The following PLEKHA5 variants were observed in gnomAD, a reference collection of about 807,000 sequenced individuals.
PLEKHA5 encodes pleckstrin homology domain-containing family A member 5.
PLEKHA5 carries 55 observed loss-of-function variants against 181.9 expected under a neutral mutation model. That is an observed-to-expected ratio of 0.30 (90% CI 0.24 to 0.38). The LOEUF is 0.38. Among genes scored for constraint, PLEKHA5 ranks in the 10% least tolerant of loss-of-function variants. The pLI is 1.00. For synonymous variants in PLEKHA5, 535 were observed against 529.4 expected (o/e 1.01, Z -0.15); for missense variants, 1,432 against 1,549.5 (o/e 0.92, Z 1.27).
At chr12:19,150,372 T>G (rs1417132525) in intron 3 of PLEKHA5, 1 of 152,242 alleles carries the variant, frequency 6.6e-6, no homozygotes, top group Non-Finnish European at 1.5e-5. Context: ...CTGAGAAGTC[T>G]TTCAAGTAGA....
At chr12:19,318,874 T>A (rs1364447381) in intron 16 of PLEKHA5, among the ~76,000 whole-genome samples, 1 of 152,162 alleles carries the variant, frequency 6.6e-6, no homozygotes, top group Non-Finnish European at 1.5e-5. Context: ...TGAGCCGAGA[T>A]CGCACCACTG....
rs2095704843 is a variant in PLEKHA5 at position 19,376,330 on chromosome 12, A to G, written c.*811A>G. Reference sequence around the variant, plus strand: ...TGTAATGTATTAAAGGCTACTTACTATTGTTTAAATGCAAATGTTCATATC... The same window carrying G: ...TGTAATGTATTAAAGGCTACTTACTGTTGTTTAAATGCAAATGTTCATATC... On this transcript the variant is annotated 3_prime_UTR_variant, in exon 32 of 32. Transcript: ENST00000429027. 6.5e-6 allele frequency: 1 copy of G among 152,718 alleles called. No homozygotes were observed. The highest frequency in any genetic ancestry group is 2.4e-5 in the African/African-American group (1 of 41,560). 9.5% of individuals were successfully genotyped at this position (152,718 alleles called of 1,614,324 possible). A position where few individuals can be genotyped will look rare whatever the true frequency, so the allele number is the denominator to read the frequency against.
intron 25 of PLEKHA5, among the ~76,000 whole-genome samples, chr12:19,350,910 T>C (rs938749501): frequency 4.6e-5 from 7 of 151,744 alleles, no homozygotes; most frequent in Admixed American, 6.6e-5. Flanking sequence ...TTAATATTTA[T>C]ACACCTTTTC....
chr12:19,197,746 G>A lies in PLEKHA5; in HGVS notation c.228-56194G>A, dbSNP rs1188819485. Among the ~76,000 whole-genome samples the A allele has an allele frequency of 2.2e-4, 31 of 141,832 alleles. 1 individual carries two copies. The highest frequency in any genetic ancestry group is 9.1e-5 in the Non-Finnish European group (6 of 66,116). 93.0% of individuals were successfully genotyped at this position (141,832 alleles called of 152,430 possible). ...TGTGTGTGTGTGTTTAAGTCGCCTC[G>A]TTCACTTCCAAGGCTCTTTTTACAC... On this transcript the variant is annotated intron_variant, in intron 3 of 31. Transcript: ENST00000429027.
At chr12:19,240,118 T>A (rs2062201354) in intron 3 of PLEKHA5, among the ~76,000 whole-genome samples, 1 of 152,220 alleles carries the variant, frequency 6.6e-6, no homozygotes, top group Non-Finnish European at 1.5e-5. Flanking sequence ...TCATGCAGTA[T>A]ATGAAAATGA....
At chr12:19,236,441 C>T (rs990839896) in intron 3 of PLEKHA5, among the ~76,000 whole-genome samples, 1 of 151,814 alleles carries the variant, frequency 6.6e-6, no homozygotes, top group African/African-American at 2.4e-5. Context: ...AGTAAGTGAT[C>T]AATAAAACTG....
chr12:19,236,663 C>T (rs975931903), intron 3 of PLEKHA5, among the ~76,000 whole-genome samples: 7 of 152,178 alleles, frequency 4.6e-5, no homozygotes, highest in East Asian at 1.9e-4. Context: ...ACTCAGTAAA[C>T]GTTTTCTTCA....
chr12:19,204,673 A>G (rs2054979688), intron 3 of PLEKHA5, among the ~76,000 whole-genome samples: 3 of 152,294 alleles, frequency 2.0e-5, no homozygotes, highest in Non-Finnish European at 2.9e-5. Flanking sequence ...TGGGTGATGT[A>G]TGATCTATAA....
rs1555166333 is a variant in PLEKHA5 at position 19,336,506 on chromosome 12, T to C, written c.2449-9T>C. 1 of 1,452,398 alleles carries C rather than the reference T, an allele frequency of 6.9e-7. No individual in the cohort carries two copies. The highest frequency in any genetic ancestry group is 1.2e-5 in the South Asian group (1 of 85,014). The allele number at this position is 1,452,398 out of a possible 1,614,324, so 90.0% of individuals were successfully genotyped here. ...CCCCATTAAAGTAATTAACACTTTT[T>C]GGTTTTAGGAATTGGAACGAGCATG... On this transcript the variant is annotated splice_polypyrimidine_tract_variant and intron_variant, in intron 20 of 31. Coordinates refer to ENST00000429027, the MANE Select transcript of PLEKHA5 (RefSeq NM_001256470.2).
At chr12:19,200,146 A>C (rs1328005673) in intron 3 of PLEKHA5, among the ~76,000 whole-genome samples, 1 of 152,096 alleles carries the variant, frequency 6.6e-6, no homozygotes, top group African/African-American at 2.4e-5. Context: ...TGTTCCCAAC[A>C]CAGAAAAATG....
intron 31 of PLEKHA5, chr12:19,371,420 T>C (rs1343888068): frequency 6.6e-6 from 1 of 152,382 alleles, no homozygotes; most frequent in Non-Finnish European, 1.5e-5. Flanking sequence ...GTGCACCCAT[T>C]ACCCGAGTAG....
intron 3 of PLEKHA5, among the ~76,000 whole-genome samples, chr12:19,207,032 C>T (rs1231470271): frequency 3.9e-5 from 6 of 151,944 alleles, no homozygotes; most frequent in African/African-American, 1.5e-4. Context: ...ATTGCTTTTC[C>T]GAATTCTATT....
At chr12:19,359,326 C>A in intron 27 of PLEKHA5, 86 bp from the exon 28 acceptor site, 1 of 1,216,064 alleles carries the variant, frequency 8.2e-7, no homozygotes, top group Non-Finnish European at 1.1e-6. Context: ...CAGCTTTGTT[C>A]TATTTTGAGA....
chr12:19,176,494 A>G (rs2047272094), intron 3 of PLEKHA5: 1 of 152,094 alleles, frequency 6.6e-6, no homozygotes, highest in South Asian at 2.1e-4. Flanking sequence ...CGCTATCAGC[A>G]TAGCATGCTG....
intron 29 of PLEKHA5, among the ~76,000 whole-genome samples, chr12:19,364,614 C>A (rs1466457134): frequency 6.6e-6 from 1 of 152,010 alleles, no homozygotes; most frequent in African/African-American, 2.4e-5. Flanking sequence ...GAAAATCTGA[C>A]AAGGATCTTT....
intron 15 of PLEKHA5, among the ~76,000 whole-genome samples, chr12:19,297,105 A>C (rs1295015051): frequency 6.6e-6 from 1 of 152,144 alleles, no homozygotes; most frequent in East Asian, 1.9e-4. Flanking sequence ...GGAGATGTGC[A>C]GAAGGATCCA....
intron 3 of PLEKHA5, among the ~76,000 whole-genome samples, chr12:19,140,327 G>C (rs1591785587): frequency 6.6e-6 from 1 of 152,190 alleles, no homozygotes. Context: ...ATCGTGATTA[G>C]TATGGAAGAA....
At chr12:19,131,783 T>A (rs948796455) in intron 2 of PLEKHA5, among the ~76,000 whole-genome samples, 1 of 152,188 alleles carries the variant, frequency 6.6e-6, no homozygotes, top group African/African-American at 2.4e-5. Context: ...CAACTTGTCA[T>A]TAATAATAAT....
At chr12:19,143,876 G>A (rs2038147961) in intron 3 of PLEKHA5, among the ~76,000 whole-genome samples, 1 of 151,942 alleles carries the variant, frequency 6.6e-6, no homozygotes, top group African/African-American at 2.4e-5. Flanking sequence ...CTACTTCCAG[G>A]TAACTTTGTT....
Sources: gnomAD v4.1 joint callset for allele counts (sites outside exome capture counted in the v4.1 genomes callset) on GRCh38, gnomAD v4.1.1 for gene constraint, MANE v1.5 for transcripts, NCBI Gene and HGNC (gene_info 2026-07-23, HGNC 2026-07-21) for gene names.